The following GNG2 variants were observed in gnomAD, a reference collection of about 807,000 sequenced individuals.
GNG2 encodes G protein subunit gamma 2.
A neutral mutation model predicts 5.5 loss-of-function variants in GNG2; 5 were observed. That is an observed-to-expected ratio of 0.91 (90% CI 0.48 to 1.92). GNG2 has a LOEUF of 1.92. GNG2 is among the 30% of genes most tolerant of loss of function. The pLI is 0.01. For missense variants in GNG2, 55 were observed against 88.4 expected, an observed-to-expected ratio of 0.62 and a Z score of 1.52; for synonymous variants, 28 against 32.0, an observed-to-expected ratio of 0.88 and a Z score of 0.42.
chr14:51,827,834 G>A (rs1444188569), intron 2 of GNG2: 1 of 668,744 alleles, frequency 1.5e-6, no homozygotes, highest in Non-Finnish European at 2.7e-6. Context: ...GGTGATGGAA[G>A]GATACTGCAA....
intron 2 of GNG2, among the ~76,000 whole-genome samples, chr14:51,904,518 C>G (rs945550269): frequency 1.3e-5 from 2 of 152,108 alleles, no homozygotes; most frequent in Non-Finnish European, 2.9e-5. Flanking sequence ...GATGAACTGC[C>G]CTGGCCCACC....
chr14:51,871,573 T>A (rs1883300426), intron 1 of GNG2, among the ~76,000 whole-genome samples: 1 of 152,206 alleles, frequency 6.6e-6, no homozygotes, highest in Admixed American at 6.5e-5. Flanking sequence ...AAATACATAA[T>A]AAATGTGAAA....
intron 2 of GNG2, among the ~76,000 whole-genome samples, chr14:51,895,886 A>T (rs996925760): frequency 6.6e-6 from 1 of 152,192 alleles, no homozygotes; most frequent in African/African-American, 2.4e-5. Context: ...TGTCCTGCAC[A>T]TGCTCTCTTT....
rs10699121 is a variant in GNG2, at chr14:51,862,984, C to CTTTTT, written c.-71+2205_-71+2209dup. On this transcript the variant is annotated intron_variant, in intron 1 of 3. Transcript: ENST00000556766. Reference sequence around the variant, plus strand: ...GACCAACACAGAAATTTTAATTGTGCTTTTTTTTTTTTTTTCTGCCATATG... The same window carrying CTTTTT: ...GACCAACACAGAAATTTTAATTGTGCTTTTTTTTTTTTTTTTTTTTCTGCCATATG... Among the ~76,000 whole-genome samples the CTTTTT allele has an allele frequency of 2.1e-5, 3 of 143,018 alleles. 1 individual carries two copies. The highest frequency in any genetic ancestry group is 5.2e-5 in the African/African-American group (2 of 38,750). 93.8% of individuals were successfully genotyped at this position (143,018 alleles called of 152,430 possible).
chr14:51,934,928 C>G (rs1176298933), intron 2 of GNG2, among the ~76,000 whole-genome samples: 2 of 151,904 alleles, frequency 1.3e-5, no homozygotes, highest in South Asian at 2.1e-4. Flanking sequence ...TATTCACACA[C>G]TAATCAGGGA....
At chr14:51,836,829 C>T (rs935087111) in intron 2 of GNG2, among the ~76,000 whole-genome samples, 1 of 147,536 alleles carries the variant, frequency 6.8e-6, no homozygotes, top group African/African-American at 2.5e-5. Flanking sequence ...AAAATATTTT[C>T]AATATTATGA....
chr14:51,829,811 A>G (rs570778156), intron 2 of GNG2, among the ~76,000 whole-genome samples: 1 of 147,540 alleles, frequency 6.8e-6, no homozygotes, highest in Non-Finnish European at 1.5e-5. Context: ...ATCATATTTG[A>G]CCTATGCTCC....
chr14:51,966,209 C>CAAAAAAAAAAAAAAAAAA (rs34653524), intron 3 of GNG2, among the ~76,000 whole-genome samples: 1 of 28,144 alleles, frequency 3.6e-5, no homozygotes, highest in Non-Finnish European at 5.7e-5. Context: ...GACTGCATCT[C>CAAAAAAAAAAAAAAAAAA]AAAAAAAAAA....
intron 2 of GNG2, among the ~76,000 whole-genome samples, chr14:51,910,469 G>A (rs2140200461): frequency 6.6e-6 from 1 of 152,358 alleles, no homozygotes. Flanking sequence ...ATATGGAAGT[G>A]TTCAAAAGCC....
intron 2 of GNG2, among the ~76,000 whole-genome samples, chr14:51,849,158 G>A (rs1311177912): frequency 6.6e-6 from 1 of 152,168 alleles, no homozygotes. Context: ...CCATTTCCAA[G>A]GTGGCTCGCT....
intron 3 of GNG2, among the ~76,000 whole-genome samples, chr14:51,963,451 T>C (rs1889727965): frequency 6.6e-6 from 1 of 152,230 alleles, no homozygotes; most frequent in African/African-American, 2.4e-5. Flanking sequence ...GCTAAGCTCC[T>C]GTTTGGTGTA....
intron 2 of GNG2, among the ~76,000 whole-genome samples, chr14:51,945,783 T>C (rs1377571171): frequency 8.7e-6 from 1 of 115,142 alleles, no homozygotes; most frequent in Non-Finnish European, 1.8e-5. Flanking sequence ...TGTATGTGTA[T>C]GTGTATGTGT....
chr14:51,931,514 A>G (rs143102339), intron 2 of GNG2, among the ~76,000 whole-genome samples: 87 of 152,322 alleles, frequency 5.7e-4, no homozygotes, highest in African/African-American at 2.0e-3. Context: ...GTAAGCAAGG[A>G]AAGAGTGTTT....
At chr14:51,948,460 C>T (rs752204359) in intron 2 of GNG2, among the ~76,000 whole-genome samples, 16 of 152,192 alleles carry the variant, frequency 1.1e-4, no homozygotes, top group African/African-American at 2.4e-4. Flanking sequence ...CAGAAACATT[C>T]GCTTCACAGA....
At chr14:51,928,874 G>A (rs1048361831) in intron 2 of GNG2, among the ~76,000 whole-genome samples, 1 of 152,084 alleles carries the variant, frequency 6.6e-6, no homozygotes, top group African/African-American at 2.4e-5. Flanking sequence ...CGCCTGGCCG[G>A]GTGTTTGCCA....
chr14:51,846,981 A>C (rs1162660524), intron 2 of GNG2: 2 of 152,184 alleles, frequency 1.3e-5, no homozygotes, highest in East Asian at 3.8e-4. Flanking sequence ...TCTACATGGC[A>C]ACCAGGAAAT....
chr14:51,880,967 G>GAAAAAAAAAAAA lies in GNG2; in HGVS notation c.-30+3320_-30+3331dup. ...ACCAGCTTAAAAAGACAAAAAAAAA[G>GAAAAAAAAAAAA]AAAAAAAAAAAAAAAAAAAAACCCT... On this transcript the variant is annotated intron_variant, in intron 2 of 3. Coordinates refer to ENST00000556766, the MANE Select transcript of GNG2 (RefSeq NM_053064.5). 6.5e-3 allele frequency among the ~76,000 whole-genome samples: 661 copies of GAAAAAAAAAAAA among 101,840 alleles called. 1 individual carries two copies. Among genetic ancestry groups the GAAAAAAAAAAAA allele is most frequent in the African/African-American group, 7.1e-3 (186 of 26,138 alleles). The allele number at this position is 101,840 out of a possible 152,430, so 66.8% of individuals were successfully genotyped here. A position where few individuals can be genotyped will look rare whatever the true frequency, so the allele number is the denominator to read the frequency against.
chr14:51,923,989 A>G (rs895841896), intron 2 of GNG2, among the ~76,000 whole-genome samples: 1 of 152,212 alleles, frequency 6.6e-6, no homozygotes, highest in Non-Finnish European at 1.5e-5. Flanking sequence ...CCCAGTCTTC[A>G]TTCTGTAGTT....
intron 2 of GNG2, among the ~76,000 whole-genome samples, chr14:51,831,555 G>A (rs1881190469): frequency 6.6e-6 from 1 of 152,194 alleles, no homozygotes; most frequent in Non-Finnish European, 1.5e-5. Flanking sequence ...TAATAAAAAG[G>A]GGTCATGAAA....
Sources: allele counts gnomAD v4.1 joint callset (sites outside exome capture counted in the v4.1 genomes callset), GRCh38; gene constraint gnomAD v4.1.1; transcripts MANE v1.5; gene names NCBI Gene and HGNC (gene_info 2026-07-23, HGNC 2026-07-21).